Variants in RALYL observed in about 807,000 individuals in gnomAD.
RALYL encodes RALY RNA binding protein like.
Under a neutral mutation model 35.1 loss-of-function variants are expected in RALYL, and 29 were observed. That is an observed-to-expected ratio of 0.83 (90% CI 0.61 to 1.13). The LOEUF is 1.13. Ranked by LOEUF, RALYL falls within the 50% of genes most tolerant of loss-of-function variation. The pLI, the probability that RALYL is intolerant of heterozygous loss-of-function variation, is 0.00. For synonymous variants in RALYL, 120 were observed against 127.6 expected, an observed-to-expected ratio of 0.94 and a Z score of 0.40; for missense variants, 359 against 360.4, an observed-to-expected ratio of 1.00 and a Z score of 0.03.
At chr8:84,234,191 C>T (rs923172382) in intron 1 of RALYL, among the ~76,000 whole-genome samples, 8 of 152,302 alleles carry the variant, frequency 5.3e-5, no homozygotes, top group Admixed American at 5.2e-4. Flanking sequence ...TGTTTATACA[C>T]TTTCAAGAGT....
Position 84,427,462 on chromosome 8 carries a change from G to T in RALYL, c.-23-101837G>T, listed in dbSNP as rs182988068. Among the ~76,000 whole-genome samples the T allele has an allele frequency of 1.5e-3, 228 of 152,208 alleles. 2 individuals carry two copies. Among genetic ancestry groups the T allele is most frequent in the African/African-American group, 4.5e-3 (186 of 41,536 alleles). On this transcript the variant is annotated intron_variant, in intron 1 of 8. Transcript: ENST00000521268. The stretch of plus-strand genomic sequence containing the variant: ...CTGTGTTTTAATTAAGCATTCTGTG[G>T]TTTTCAATTGCTATTGCTCCACAAG...
chr8:84,732,328 G>A (rs1425701347), intron 2 of RALYL, among the ~76,000 whole-genome samples: 1 of 152,016 alleles, frequency 6.6e-6, no homozygotes, highest in Non-Finnish European at 1.5e-5. Flanking sequence ...TTAAATTCTA[G>A]CTTCTCCATT....
At chr8:84,202,705 C>T (rs1462293193) in intron 1 of RALYL, among the ~76,000 whole-genome samples, 1 of 152,012 alleles carries the variant, frequency 6.6e-6, no homozygotes, top group Admixed American at 6.6e-5. Context: ...TTTTATGTAT[C>T]TTTCATGGTG....
intron 2 of RALYL, among the ~76,000 whole-genome samples, chr8:84,562,474 C>T (rs1342304969): frequency 6.6e-6 from 1 of 151,806 alleles, no homozygotes; most frequent in Non-Finnish European, 1.5e-5. Context: ...AATGTTTCTA[C>T]CAATATATTA....
intron 1 of RALYL, among the ~76,000 whole-genome samples, chr8:84,394,871 CAG>C (rs1861453364): frequency 6.6e-6 from 1 of 151,718 alleles, no homozygotes; most frequent in Non-Finnish European, 1.5e-5. Context: ...TGGTTTTTCT[CAG>C]GGGTGGCATT....
intron 4 of RALYL, among the ~76,000 whole-genome samples, chr8:84,830,070 AT>A (rs1830570259): frequency 6.6e-6 from 1 of 151,058 alleles, no homozygotes; most frequent in Admixed American, 6.6e-5. Flanking sequence ...GCACAAAAGT[AT>A]GAAAAATGAG....
chr8:84,745,528 C>G (rs1002453807), intron 2 of RALYL, among the ~76,000 whole-genome samples: 2 of 151,974 alleles, frequency 1.3e-5, no homozygotes, highest in Admixed American at 1.3e-4. Context: ...GCATTACTCT[C>G]TATTGATTCA....
intron 2 of RALYL, among the ~76,000 whole-genome samples, chr8:84,664,739 G>A (rs1452230040): frequency 2.0e-5 from 3 of 151,978 alleles, no homozygotes; most frequent in East Asian, 1.9e-4. Flanking sequence ...GAGATGATGG[G>A]GTTTTCTAGA....
At chr8:84,656,683 A>C (rs1175373259) in intron 2 of RALYL, among the ~76,000 whole-genome samples, 1 of 152,150 alleles carries the variant, frequency 6.6e-6, no homozygotes, top group East Asian at 1.9e-4. Context: ...AAGTTACCCA[A>C]AATTGAGTGT....
At chr8:84,824,085 A>G (rs1829106947) in intron 4 of RALYL, among the ~76,000 whole-genome samples, 1 of 152,104 alleles carries the variant, frequency 6.6e-6, no homozygotes, top group African/African-American at 2.4e-5. Context: ...ACAGATGACA[A>G]GATTTTATAC....
chr8:84,724,361 TTCA>T (rs1367858674), intron 2 of RALYL, among the ~76,000 whole-genome samples: 1 of 151,826 alleles, frequency 6.6e-6, no homozygotes, highest in African/African-American at 2.4e-5. Flanking sequence ...TCATAAATAA[TTCA>T]TCATCATGTA....
At chr8:84,301,843 A>G (rs1840854033) in intron 1 of RALYL, among the ~76,000 whole-genome samples, 1 of 152,126 alleles carries the variant, frequency 6.6e-6, no homozygotes, top group African/African-American at 2.4e-5. Flanking sequence ...ATAAAAATTA[A>G]GTACTTATCT....
At chr8:84,878,855 A>G (rs116629321) in intron 7 of RALYL, among the ~76,000 whole-genome samples, 56 of 152,290 alleles carry the variant, frequency 3.7e-4, no homozygotes, top group African/African-American at 1.3e-3. Context: ...TATCTGAATA[A>G]GCTTTAGTTT....
intron 1 of RALYL, among the ~76,000 whole-genome samples, chr8:84,324,593 G>GT (rs200673760): frequency 0.014 from 2,147 of 149,850 alleles, 25 homozygotes; most frequent in Middle Eastern, 0.031. Context: ...AAATAGTTGT[G>GT]TTTTTTTTTG....
chr8:84,720,372 T>A (rs1409327622), intron 2 of RALYL, among the ~76,000 whole-genome samples: 1 of 152,122 alleles, frequency 6.6e-6, no homozygotes, highest in Non-Finnish European at 1.5e-5. Context: ...AACTGATTTT[T>A]GACAAAAATG....
intron 2 of RALYL, among the ~76,000 whole-genome samples, chr8:84,683,111 T>C (rs938042067): frequency 1.3e-5 from 2 of 152,228 alleles, no homozygotes; most frequent in Non-Finnish European, 2.9e-5. Context: ...CCAGTAGTCA[T>C]TCAGGAGCAG....
intron 2 of RALYL, among the ~76,000 whole-genome samples, chr8:84,654,131 CAT>C (rs1829424559): frequency 6.8e-6 from 1 of 146,610 alleles, no homozygotes. Context: ...AAAATATATA[CAT>C]ATATGTTACA....
rs141204159 is a variant in RALYL, at chr8:84,230,391, A to C, written c.-24+45967A>C. Among the ~76,000 whole-genome samples the C allele has an allele frequency of 3.1e-4, 47 of 152,276 alleles. 1 individual carries two copies. In the East Asian group the frequency reaches 6.0e-3, roughly 19 times the overall value. On this transcript the variant is annotated intron_variant, in intron 1 of 8. Coordinates refer to ENST00000521268, the MANE Select transcript of RALYL (RefSeq NM_173848.7). Reference sequence around the variant, plus strand: ...AGGATGATACAAATTTATTCAGTTAATATGGATGACAAAAATAAACAAAAT... The same window carrying C: ...AGGATGATACAAATTTATTCAGTTACTATGGATGACAAAAATAAACAAAAT...
At chr8:84,520,952 C>T (rs535595682) in intron 1 of RALYL, among the ~76,000 whole-genome samples, 52 of 152,284 alleles carry the variant, frequency 3.4e-4, no homozygotes, top group African/African-American at 1.2e-3. Flanking sequence ...CACATTGCCT[C>T]TTATGGCTCA....
Sources: allele counts gnomAD v4.1 joint callset (sites outside exome capture counted in the v4.1 genomes callset), GRCh38; gene constraint gnomAD v4.1.1; transcripts MANE v1.5; gene names NCBI Gene and HGNC (gene_info 2026-07-23, HGNC 2026-07-21).